SEMA3A: variants seen among roughly 807,000 people sequenced by gnomAD.
The protein encoded by SEMA3A is semaphorin-3A.
A neutral mutation model predicts 97.9 loss-of-function variants in SEMA3A; 29 were observed. The ratio of observed to expected loss-of-function variants is 0.30; its 90% CI spans 0.22 to 0.40. The LOEUF (loss-of-function observed/expected upper bound fraction) is 0.40. Among genes scored for constraint, SEMA3A ranks in the 10% least tolerant of loss-of-function variants. The pLI is 1.00. For synonymous variants in SEMA3A, 321 were observed against 323.7 expected, an observed-to-expected ratio of 0.99 and a Z score of 0.09; for missense variants, 763 against 951.3, an observed-to-expected ratio of 0.80 and a Z score of 2.60.
chr7:83,998,805 CT>C (rs1316832826), intron 12 of SEMA3A, among the ~76,000 whole-genome samples: 3 of 151,806 alleles, frequency 2.0e-5, no homozygotes, highest in Admixed American at 6.6e-5. Context: ...TTTTAAACTC[CT>C]TTTGTTAAAA....
chr7:84,433,885 T>A (rs555064895), intron 1 of SEMA3A, among the ~76,000 whole-genome samples: 1 of 152,248 alleles, frequency 6.6e-6, no homozygotes, highest in South Asian at 2.1e-4. Flanking sequence ...TTTTGAGAAG[T>A]GTCTGTTCAT....
intron 2 of SEMA3A, among the ~76,000 whole-genome samples, chr7:84,336,784 A>T (rs1429520441): frequency 6.6e-6 from 1 of 152,188 alleles, no homozygotes; most frequent in Non-Finnish European, 1.5e-5. Context: ...CTTCATGCAT[A>T]CACGTACACT....
chr7:84,034,235 C>T (rs57024152), intron 6 of SEMA3A, among the ~76,000 whole-genome samples: 44,406 of 151,882 alleles, frequency 0.29, 7,212 homozygotes, highest in East Asian at 0.6. Context: ...CCGCCTGCCT[C>T]GGCCTCCCGA....
At chr7:84,381,960 T>C (rs1018582091) in intron 1 of SEMA3A, among the ~76,000 whole-genome samples, 8 of 152,112 alleles carry the variant, frequency 5.3e-5, no homozygotes, top group African/African-American at 1.9e-4. Context: ...AGAACAAGAA[T>C]TGGGTAGTTG....
At chr7:84,449,400 A>G (rs922299375) in intron 1 of SEMA3A, among the ~76,000 whole-genome samples, 2 of 152,212 alleles carry the variant, frequency 1.3e-5, no homozygotes, top group African/African-American at 4.8e-5. Context: ...AGAACAATCA[A>G]CAAATTGTTA....
intron 1 of SEMA3A, among the ~76,000 whole-genome samples, chr7:84,184,766 T>C (rs764495342): frequency 3.5e-4 from 53 of 152,130 alleles, no homozygotes; most frequent in Non-Finnish European, 5.9e-4. Context: ...CGTGCATGCC[T>C]TTAGAGGCAA....
intron 3 of SEMA3A, among the ~76,000 whole-genome samples, chr7:84,216,661 G>A (rs1284370030): frequency 6.6e-6 from 1 of 152,070 alleles, no homozygotes; most frequent in Non-Finnish European, 1.5e-5. Context: ...AATGGACAAT[G>A]ATACACATAA....
intron 3 of SEMA3A, among the ~76,000 whole-genome samples, chr7:84,298,558 C>T (rs1800922365): frequency 1.3e-5 from 2 of 152,088 alleles, no homozygotes; most frequent in Non-Finnish European, 2.9e-5. Flanking sequence ...GGGAGATAAT[C>T]AGCACTAACG....
intron 15 of SEMA3A, among the ~76,000 whole-genome samples, chr7:83,966,923 C>T (rs113786959): frequency 0.036 from 5,518 of 152,144 alleles, 343 homozygotes; most frequent in African/African-American, 0.13. Context: ...GTTGGTTAGG[C>T]TGGTCTTGAA....
intron 3 of SEMA3A, among the ~76,000 whole-genome samples, chr7:84,211,714 G>A (rs1798632687): frequency 6.6e-6 from 1 of 152,152 alleles, no homozygotes; most frequent in Non-Finnish European, 1.5e-5. Flanking sequence ...GTGTGAATAT[G>A]CCTGAGGAGA....
intron 2 of SEMA3A, among the ~76,000 whole-genome samples, chr7:84,328,623 C>T (rs140382077): frequency 1.3e-5 from 2 of 152,080 alleles, no homozygotes; most frequent in East Asian, 1.9e-4. Flanking sequence ...TTTCGACAAC[C>T]TATGGTAAAT....
intron 5 of SEMA3A, among the ~76,000 whole-genome samples, chr7:84,050,012 G>A (rs557768313): frequency 2.0e-3 from 303 of 150,932 alleles, no homozygotes; most frequent in Non-Finnish European, 3.4e-3. Context: ...ATGTTTTCCA[G>A]TTTCATCCAT....
intron 4 of SEMA3A, among the ~76,000 whole-genome samples, chr7:84,066,542 C>T (rs1793506912): frequency 6.7e-6 from 1 of 149,808 alleles, no homozygotes; most frequent in Non-Finnish European, 1.5e-5. Flanking sequence ...AGCCCAAAAT[C>T]TCCTTAAGCT....
chr7:84,206,465 G>A (rs1395239029), intron 3 of SEMA3A, among the ~76,000 whole-genome samples: 1 of 151,852 alleles, frequency 6.6e-6, no homozygotes, highest in African/African-American at 2.4e-5. Flanking sequence ...TGGGACTATA[G>A]GCGCTGCCAC....
chr7:84,424,547 T>C (rs1434483591), intron 1 of SEMA3A, among the ~76,000 whole-genome samples: 1 of 87,686 alleles, frequency 1.1e-5, no homozygotes, highest in African/African-American at 5.9e-5. Flanking sequence ...TAAATATTAA[T>C]ATATATTATA....
intron 1 of SEMA3A, among the ~76,000 whole-genome samples, chr7:84,461,151 G>A (rs1805829117): frequency 6.6e-6 from 1 of 152,080 alleles, no homozygotes; most frequent in African/African-American, 2.4e-5. Context: ...TAAATGTCAT[G>A]TAATAGACAG....
rs145869662 is a variant in SEMA3A, at chr7:84,269,863, A to C, written c.-83+37344T>G. On this transcript the variant is annotated intron_variant, in intron 3 of 3. Transcript: ENST00000424555. ...GTATTTTTTTACCCAACTTGCATAA[A>C]ATATATAAACACATTAAGTAATCAT... Among the ~76,000 whole-genome samples, 916 of 152,234 alleles carry C rather than the reference A, an allele frequency of 6.0e-3. 12 individuals are homozygous for C. Among genetic ancestry groups the C allele is most frequent in the African/African-American group, 0.021 (862 of 41,550 alleles).
chr7:84,245,284 G>T (rs56231816), intron 3 of SEMA3A, among the ~76,000 whole-genome samples: 1 of 151,582 alleles, frequency 6.6e-6, no homozygotes, highest in South Asian at 2.1e-4. Flanking sequence ...GGCTTTGTTC[G>T]TTCCTTTTCA....
chr7:83,962,112 AC>A (rs1393508922), intron 16 of SEMA3A, among the ~76,000 whole-genome samples: 2 of 152,140 alleles, frequency 1.3e-5, no homozygotes, highest in African/African-American at 4.8e-5. Flanking sequence ...GAGCAAAGAT[AC>A]TTTATACATT....
Sources: gnomAD v4.1 joint callset for allele counts (sites outside exome capture counted in the v4.1 genomes callset) on GRCh38, gnomAD v4.1.1 for gene constraint, MANE v1.5 for transcripts, NCBI Gene and HGNC (gene_info 2026-07-23, HGNC 2026-07-21) for gene names.